Variants in LRFN5 observed in about 807,000 individuals in gnomAD.
The protein encoded by LRFN5 is leucine rich repeat and fibronectin type III domain containing 5, also known as leucine-rich repeat and fibronectin type-III domain-containing protein 5.
Under a neutral mutation model 45.6 loss-of-function variants are expected in LRFN5, and 24 were observed. That is an observed-to-expected ratio of 0.53 (90% CI 0.38 to 0.74). The LOEUF (loss-of-function observed/expected upper bound fraction) is 0.74. LRFN5 is among the 30% of genes least tolerant of loss of function. The pLI, the probability that LRFN5 is intolerant of heterozygous loss-of-function variation, is 0.00. For missense variants in LRFN5, 776 were observed against 861.5 expected, an observed-to-expected ratio of 0.90 and a Z score of 1.24; for synonymous variants, 340 against 313.8, an observed-to-expected ratio of 1.08 and a Z score of -0.88.
chr14:41,650,135 CTG>C (rs1286480184), intron 1 of LRFN5, among the ~76,000 whole-genome samples: 2 of 151,876 alleles, frequency 1.3e-5, no homozygotes, highest in Non-Finnish European at 2.9e-5. Flanking sequence ...TGGCTCACAC[CTG>C]TAATCCCAGC....
chr14:41,891,492 T>C lies in LRFN5; in HGVS notation c.1628T>C (p.Val543Ala), dbSNP rs756787112. The change falls in exon 4 of 6, where the codon GTA (valine) becomes GCA (alanine). Residue 543 changes from valine to alanine, a missense_variant. Physicochemically the swap from Val to Ala is moderately conservative, Grantham distance 64 (BLOSUM62 0). Transcript: ENST00000298119. ...IGGIIVASVLVFIIILMIRYK... is the reference protein window; with the variant it reads ...IGGIIVASVLAFIIILMIRYK... ...GGAATCATTGTAGCATCTGTGCTGG[T>C]ATTCATCATTATTCTGATGATCCGG... 1 of 1,614,178 alleles carries C rather than the reference T, an allele frequency of 6.2e-7. No homozygotes were observed. The highest frequency in any genetic ancestry group is 8.5e-7 in the Non-Finnish European group (1 of 1,180,020).
intron 2 of LRFN5, among the ~76,000 whole-genome samples, chr14:41,812,241 T>C (rs1887761518): frequency 6.6e-6 from 1 of 152,076 alleles, no homozygotes; most frequent in African/African-American, 2.4e-5. Flanking sequence ...TAGATTGTTT[T>C]AAAACAAAAT....
chr14:41,654,405 C>T (rs1484453630), intron 1 of LRFN5, among the ~76,000 whole-genome samples: 2 of 151,812 alleles, frequency 1.3e-5, no homozygotes, highest in Non-Finnish European at 2.9e-5. Context: ...ATAGTATGTA[C>T]ATAGTGCATA....
At chr14:41,844,241 T>A (rs773929776) in intron 2 of LRFN5, among the ~76,000 whole-genome samples, 9 of 151,892 alleles carry the variant, frequency 5.9e-5, no homozygotes, top group African/African-American at 1.9e-4. Flanking sequence ...ATCGAGACCA[T>A]CCTGGCTAAC....
intron 1 of LRFN5, among the ~76,000 whole-genome samples, chr14:41,739,974 A>G (rs1164450315): frequency 6.6e-6 from 1 of 151,994 alleles, no homozygotes; most frequent in East Asian, 1.9e-4. Context: ...AGAAACATGT[A>G]ATGTACCATG....
At chr14:41,762,028 G>A (rs924962743) in intron 1 of LRFN5, among the ~76,000 whole-genome samples, 3 of 150,956 alleles carry the variant, frequency 2.0e-5, no homozygotes, top group Non-Finnish European at 4.4e-5. Context: ...TGTATGTGGT[G>A]AGAATATCTT....
chr14:41,765,730 A>T (rs944257653), intron 1 of LRFN5, among the ~76,000 whole-genome samples: 1 of 152,220 alleles, frequency 6.6e-6, no homozygotes, highest in African/African-American at 2.4e-5. Context: ...AAAAAGATAC[A>T]GCATTGATTG....
intron 2 of LRFN5, among the ~76,000 whole-genome samples, chr14:41,795,271 G>A (rs985682189): frequency 2.0e-5 from 3 of 151,982 alleles, no homozygotes; most frequent in Non-Finnish European, 2.9e-5. Context: ...AAAAAGTCAG[G>A]AAACAATAGG....
At chr14:41,903,744 A>T (rs947767228) in intron 5 of LRFN5, among the ~76,000 whole-genome samples, 1 of 152,000 alleles carries the variant, frequency 6.6e-6, no homozygotes, top group East Asian at 1.9e-4. Context: ...AATATCATAC[A>T]CATTTTCTAG....
chr14:41,758,779 G>T (rs1378834147), intron 1 of LRFN5, among the ~76,000 whole-genome samples: 1 of 152,066 alleles, frequency 6.6e-6, no homozygotes, highest in Non-Finnish European at 1.5e-5. Flanking sequence ...AGCCTTCATA[G>T]TTTAACTTTG....
chr14:41,892,151 A>G, intron 4 of LRFN5, 189 bp downstream of exon 4: 2 of 985,274 alleles, frequency 2.0e-6, no homozygotes, highest in Non-Finnish European at 1.2e-6. Flanking sequence ...TGGAAAGGCA[A>G]CTCTCAAATT....
At chr14:41,674,883 A>C (rs1881525630) in intron 1 of LRFN5, among the ~76,000 whole-genome samples, 1 of 148,782 alleles carries the variant, frequency 6.7e-6, no homozygotes, top group African/African-American at 2.5e-5. Flanking sequence ...CTCGCTTCTC[A>C]GACGGAACGG....
chr14:41,854,363 G>C (rs1000478168), intron 2 of LRFN5, among the ~76,000 whole-genome samples: 2 of 151,760 alleles, frequency 1.3e-5, no homozygotes, highest in Non-Finnish European at 2.9e-5. Flanking sequence ...GGGGCCTGTC[G>C]TGGGGTGGGG....
chr14:41,894,024 C>T (rs1233226927), intron 4 of LRFN5: 1 of 983,724 alleles, frequency 1.0e-6, no homozygotes, highest in African/African-American at 1.7e-5. Flanking sequence ...ACATCAATTG[C>T]CTAATTCCTC....
intron 2 of LRFN5, among the ~76,000 whole-genome samples, chr14:41,804,308 G>GTGTA (rs2138975520): frequency 6.6e-6 from 1 of 152,166 alleles, no homozygotes; most frequent in African/African-American, 2.4e-5. Context: ...AATGGTCCTA[G>GTGTA]TGTACCAAGT....
At chr14:41,704,428 C>CTGTGTG (rs1194463733) in intron 1 of LRFN5, among the ~76,000 whole-genome samples, 7 of 42,436 alleles carry the variant, frequency 1.6e-4, no homozygotes, top group African/African-American at 1.3e-3. Context: ...CTCTCTCTCT[C>CTGTGTG]TCTCTCTCTC....
At chr14:41,901,727 A>T (rs1026840018) in intron 5 of LRFN5, among the ~76,000 whole-genome samples, 9 of 152,104 alleles carry the variant, frequency 5.9e-5, no homozygotes, top group Admixed American at 2.0e-4. Context: ...AGGAAAATAC[A>T]TGAAATAAGA....
chr14:41,847,919 G>T (rs1370562231), intron 2 of LRFN5, among the ~76,000 whole-genome samples: 1 of 152,008 alleles, frequency 6.6e-6, no homozygotes, highest in Admixed American at 6.6e-5. Context: ...ATGACCACAA[G>T]TTACCAAGAA....
intron 1 of LRFN5, among the ~76,000 whole-genome samples, chr14:41,707,839 C>T (rs1883129310): frequency 6.6e-6 from 1 of 151,960 alleles, no homozygotes; most frequent in South Asian, 2.1e-4. Flanking sequence ...TATATTGCCC[C>T]AAAGACTAAA....
Sources: allele counts gnomAD v4.1 joint callset (sites outside exome capture counted in the v4.1 genomes callset), GRCh38; gene constraint gnomAD v4.1.1; transcripts MANE v1.5; gene names NCBI Gene and HGNC (gene_info 2026-07-23, HGNC 2026-07-21).